Variants in CGNL1 observed in about 807,000 individuals in gnomAD.
CGNL1 encodes the protein cingulin-like protein 1.
In CGNL1, 132 loss-of-function variants were observed where a neutral mutation model predicts 141.2. The ratio of observed to expected loss-of-function variants is 0.93; its 90% CI spans 0.81 to 1.08. The LOEUF is 1.08. Ranked by LOEUF, CGNL1 falls within the 50% of genes least tolerant of loss-of-function variation. The pLI, the probability that CGNL1 is intolerant of heterozygous loss-of-function variation, is 0.00. For synonymous variants in CGNL1, 690 were observed against 622.1 expected (o/e 1.11, Z -1.63); for missense variants, 1,870 against 1,588.6 (o/e 1.18, Z -3.01).
chr15:57,425,072 A>C (rs938113276), intron 1 of CGNL1, among the ~76,000 whole-genome samples: 9 of 152,230 alleles, frequency 5.9e-5, no homozygotes, highest in Admixed American at 4.6e-4. Flanking sequence ...TTTTCTTTAG[A>C]GGCATCTTTA....
intron 12 of CGNL1, chr15:57,527,197 G>A (rs2031668243): frequency 6.6e-6 from 1 of 152,080 alleles, no homozygotes; most frequent in African/African-American, 2.4e-5. Flanking sequence ...CCAGATGTGG[G>A]TCTTCATCTG....
At chr15:57,475,491 T>G (rs1474914158) in intron 8 of CGNL1, among the ~76,000 whole-genome samples, 1 of 107,352 alleles carries the variant, frequency 9.3e-6, no homozygotes, top group African/African-American at 3.7e-5. Flanking sequence ...TATACAAGTG[T>G]GGTGTGTGTG....
chr15:57,518,304 G>A (rs543427726), intron 9 of CGNL1, 89 bp from the exon 10 acceptor site: 2 of 924,894 alleles, frequency 2.2e-6, no homozygotes, highest in African/African-American at 1.6e-5. Context: ...ATATCTATGG[G>A]TGTCTTCGGT....
At chr15:57,406,087 G>A (rs2062719588) in intron 1 of CGNL1, 1 of 152,346 alleles carries the variant, frequency 6.6e-6, no homozygotes, top group Admixed American at 6.5e-5. Flanking sequence ...AGTGGGTGAT[G>A]AGCGCTAAGA....
chr15:57,468,377 A>G (rs2063537752), intron 8 of CGNL1, among the ~76,000 whole-genome samples: 1 of 151,284 alleles, frequency 6.6e-6, no homozygotes. Flanking sequence ...AGGAACTAGG[A>G]CTACAGCTGC....
At chr15:57,510,997 T>A (rs1054242988) in intron 8 of CGNL1, among the ~76,000 whole-genome samples, 5 of 148,136 alleles carry the variant, frequency 3.4e-5, no homozygotes, top group African/African-American at 1.2e-4. Context: ...AGGTGAGAAC[T>A]TGGCCGAGGA....
At chr15:57,427,856 G>A (rs747473257) in intron 1 of CGNL1, among the ~76,000 whole-genome samples, 1 of 152,206 alleles carries the variant, frequency 6.6e-6, no homozygotes, top group Admixed American at 6.5e-5. Flanking sequence ...GTGGAGGCTG[G>A]AGGTGGGAAG....
At chr15:57,522,129 G>A (rs192816260) in intron 10 of CGNL1, among the ~76,000 whole-genome samples, 203 of 152,242 alleles carry the variant, frequency 1.3e-3, no homozygotes, top group African/African-American at 4.7e-3. Context: ...CCCCCACACT[G>A]AACTTCTGAT....
chr15:57,438,505 C>A lies in CGNL1; in HGVS notation c.506C>A (p.Pro169His), dbSNP rs1274200969. 6.2e-7 allele frequency: 1 copy of A among 1,614,164 alleles called. No homozygotes were observed. Among genetic ancestry groups the A allele is most frequent in the Admixed American group, 1.7e-5 (1 of 60,026 alleles). ...KNELNLQNHQPSESNWLKTLT... is the reference protein window; with the variant it reads ...KNELNLQNHQHSESNWLKTLT... ...GAGTTGAATTTACAAAATCACCAGC[C>A]TTCTGAGAGTAATTGGCTAAAAACG... is the stretch of plus-strand genomic sequence containing the variant. Residue 169 changes from proline (P) to histidine (H), a missense_variant, in exon 2 of 19, where the codon CCT becomes CAT. Physicochemically the swap from Pro to His is moderately conservative, Grantham distance 77. Coordinates refer to ENST00000281282, the MANE Select transcript of CGNL1 (RefSeq NM_032866.5).
intron 8 of CGNL1, among the ~76,000 whole-genome samples, chr15:57,479,850 G>A (rs952405382): frequency 5.9e-5 from 9 of 152,216 alleles, no homozygotes; most frequent in Middle Eastern, 3.4e-3. Context: ...AGAGGAAGCA[G>A]GGAAGCTGGT....
At chr15:57,509,742 T>C (rs1420372652) in intron 8 of CGNL1, among the ~76,000 whole-genome samples, 1 of 152,262 alleles carries the variant, frequency 6.6e-6, no homozygotes, top group African/African-American at 2.4e-5. Context: ...TTCTTGCATA[T>C]GTGTGATACA....
chr15:57,456,517 T>TA (rs1314947843), intron 7 of CGNL1, among the ~76,000 whole-genome samples: 37 of 144,368 alleles, frequency 2.6e-4, no homozygotes, highest in Non-Finnish European at 3.5e-4. Flanking sequence ...TAAAACAGTT[T>TA]AAAAAAAAAA....
intron 8 of CGNL1, among the ~76,000 whole-genome samples, chr15:57,496,423 A>T (rs547452978): frequency 9.2e-5 from 14 of 152,180 alleles, no homozygotes; most frequent in African/African-American, 2.9e-4. Flanking sequence ...CATGCGAGGG[A>T]TCTAGGTTGC....
chr15:57,400,294 C>T (rs1411776640), intron 1 of CGNL1, among the ~76,000 whole-genome samples: 3 of 152,146 alleles, frequency 2.0e-5, no homozygotes, highest in East Asian at 1.9e-4. Flanking sequence ...CACCCAGCCT[C>T]TTCTCATTCT....
At chr15:57,383,541 G>A (rs1258065166) in intron 1 of CGNL1, among the ~76,000 whole-genome samples, 4 of 151,602 alleles carry the variant, frequency 2.6e-5, no homozygotes, top group East Asian at 1.9e-4. Flanking sequence ...CTCGTGATCC[G>A]CCTGCCTCAG....
chr15:57,491,333 G>A (rs2152378136), intron 8 of CGNL1, among the ~76,000 whole-genome samples: 1 of 152,206 alleles, frequency 6.6e-6, no homozygotes, highest in South Asian at 2.1e-4. Flanking sequence ...CACCCAGTTT[G>A]GTGCCTCTTC....
chr15:57,428,005 T>G (rs1318953424), intron 1 of CGNL1, among the ~76,000 whole-genome samples: 1 of 152,144 alleles, frequency 6.6e-6, no homozygotes, highest in African/African-American at 2.4e-5. Flanking sequence ...GTTCACATTT[T>G]AAAACAAAGT....
intron 1 of CGNL1, among the ~76,000 whole-genome samples, chr15:57,377,669 C>A (rs1275565669): frequency 5.3e-5 from 8 of 152,290 alleles, no homozygotes; most frequent in African/African-American, 1.9e-4. Context: ...TTGTTTCTAC[C>A]TCTCTGTTTA....
At chr15:57,485,627 A>C (rs1368910835) in intron 8 of CGNL1, among the ~76,000 whole-genome samples, 1 of 152,220 alleles carries the variant, frequency 6.6e-6, no homozygotes, top group East Asian at 1.9e-4. Flanking sequence ...TCAAATTGTA[A>C]TTGTGTGGAA....
Sources: gnomAD v4.1 joint callset for allele counts (sites outside exome capture counted in the v4.1 genomes callset) on GRCh38, gnomAD v4.1.1 for gene constraint, MANE v1.5 for transcripts, NCBI Gene and HGNC (gene_info 2026-07-23, HGNC 2026-07-21) for gene names.